The following SNX2 variants were observed in gnomAD, a reference collection of about 807,000 sequenced individuals.
SNX2 encodes sorting nexin 2, also known as sorting nexin-2.
A neutral mutation model predicts 69.9 loss-of-function variants in SNX2; 25 were observed. The observed-to-expected ratio is 0.36, with a 90% confidence interval of 0.26 to 0.50. The LOEUF (loss-of-function observed/expected upper bound fraction) is 0.50. Among genes scored for constraint, SNX2 ranks in the 20% least tolerant of loss-of-function variants. The pLI is 0.97. For synonymous variants in SNX2, 229 were observed against 200.4 expected (o/e 1.14, Z -1.20); for missense variants, 551 against 613.3 (o/e 0.90, Z 1.07).
chr5:122,818,129 G>C (rs1753939953), intron 10 of SNX2, among the ~76,000 whole-genome samples: 2 of 152,078 alleles, frequency 1.3e-5, no homozygotes, highest in African/African-American at 4.8e-5. Flanking sequence ...ATCTCTTAGG[G>C]AATGGGCTTT....
At position 122,827,566 on chromosome 5, in the gene SNX2, C is replaced by T. The variant is rs1754179418; in HGVS notation, c.1438-9C>T. The stretch of plus-strand genomic sequence containing the variant: ...CTACTAACGGACTTTTTAAAATGTA[C>T]TTCAACAGAAAGAACGAGTGAAGGA... On this transcript the variant is annotated splice_polypyrimidine_tract_variant and intron_variant, in intron 13 of 14. Coordinates refer to ENST00000379516, the MANE Select transcript of SNX2 (RefSeq NM_003100.4). 6.2e-7 allele frequency: 1 copy of T among 1,611,764 alleles called. No homozygotes were observed. The highest frequency in any genetic ancestry group is 2.2e-5 in the East Asian group (1 of 44,774).
rs999373408 is a variant in SNX2 at position 122,813,100 on chromosome 5, A to G, written c.723-2796A>G. Among the ~76,000 whole-genome samples the G allele has an allele frequency of 1.2e-4, 18 of 151,802 alleles. No individual in the cohort carries two copies. In the South Asian group the frequency reaches 1.5e-3, roughly 12 times the overall value. On this transcript the variant is annotated intron_variant, in intron 7 of 14. Transcript: ENST00000379516. ...ATTTCTGACTTTTTTCAGTGTTTCT[A>G]TTTCTCCCCATACCTCTTTTCCTGT...
intron 1 of SNX2, among the ~76,000 whole-genome samples, chr5:122,793,627 T>C (rs887430076): frequency 6.6e-6 from 1 of 152,138 alleles, no homozygotes; most frequent in African/African-American, 2.4e-5. Flanking sequence ...GACCTAGTTT[T>C]GGCCAGGCAC....
chr5:122,831,466 C>A lies in SNX2; in HGVS notation c.*1818C>A, dbSNP rs1463996673. On this transcript the variant is annotated 3_prime_UTR_variant, in exon 15 of 15. Coordinates refer to ENST00000379516, the MANE Select transcript of SNX2 (RefSeq NM_003100.4). ...CCCACTAACCTACAGCCAGCCTGGACAACATAGTGAGACCCTGTCTCTAAA... is the reference window on the plus strand; with the variant it reads ...CCCACTAACCTACAGCCAGCCTGGAAAACATAGTGAGACCCTGTCTCTAAA... 6.6e-6 allele frequency among the ~76,000 whole-genome samples: 1 copy of A among 152,006 alleles called. No homozygotes were observed. Among genetic ancestry groups the A allele is most frequent in the East Asian group, 1.9e-4 (1 of 5,180 alleles).
At position 122,780,662 on chromosome 5, in the gene SNX2, C is replaced by G. The variant is rs999266977; in HGVS notation, c.108+5451C>G. ...TCAGCTCACTGCAGCCTCTGCCTCC[C>G]AGGTTCAAGCGATTCTCCTGCCTCA... On this transcript the variant is annotated intron_variant, in intron 1 of 14. Coordinates refer to ENST00000379516, the MANE Select transcript of SNX2 (RefSeq NM_003100.4). 2.0e-5 allele frequency among the ~76,000 whole-genome samples: 3 copies of G among 151,366 alleles called. 1 individual carries two copies. Among genetic ancestry groups the G allele is most frequent in the South Asian group, 2.1e-4 (1 of 4,780 alleles).
intron 12 of SNX2, chr5:122,826,533 T>C (rs768496324): frequency 4.4e-5 from 14 of 316,480 alleles, no homozygotes; most frequent in Non-Finnish European, 4.6e-5. Context: ...CATTTAGCTG[T>C]CCAGGCAACA....
At chr5:122,814,430 T>G (rs867160926) in intron 7 of SNX2, among the ~76,000 whole-genome samples, 2 of 152,224 alleles carry the variant, frequency 1.3e-5, no homozygotes, top group African/African-American at 4.8e-5. Context: ...GGTTCTAGTA[T>G]AATGACTTCT....
chr5:122,777,683 T>G (rs1431407064), intron 1 of SNX2, among the ~76,000 whole-genome samples: 1 of 152,240 alleles, frequency 6.6e-6, no homozygotes, highest in East Asian at 1.9e-4. Flanking sequence ...TACACTTATG[T>G]GTATATTTTT....
chr5:122,821,877 A>T (rs754798492), intron 11 of SNX2, among the ~76,000 whole-genome samples: 1 of 152,192 alleles, frequency 6.6e-6, no homozygotes, highest in Non-Finnish European at 1.5e-5. Context: ...TAAAGATTCT[A>T]TAAGTAGAAT....
intron 11 of SNX2, among the ~76,000 whole-genome samples, chr5:122,824,436 GA>G (rs1280236950): frequency 6.6e-6 from 1 of 152,082 alleles, no homozygotes; most frequent in Non-Finnish European, 1.5e-5. Context: ...GATGTTTTAG[GA>G]AAAACGTGGT....
chr5:122,811,323 A>G (rs982652349), intron 7 of SNX2, among the ~76,000 whole-genome samples: 2 of 152,120 alleles, frequency 1.3e-5, no homozygotes, highest in East Asian at 3.9e-4. Context: ...CCCTAACATC[A>G]CTTGCTTGGT....
rs199661583 is a variant in SNX2 at position 122,829,789 on chromosome 5, C to T, written c.*141C>T. 5 of 416,984 alleles carry T rather than the reference C, an allele frequency of 1.2e-5. No individual in the cohort carries two copies. Among genetic ancestry groups the T allele is most frequent in the East Asian group, 1.4e-4 (2 of 14,072 alleles). 25.8% of individuals were successfully genotyped at this position (416,984 alleles called of 1,614,324 possible). A position where few individuals can be genotyped will look rare whatever the true frequency, so the allele number is the denominator to read the frequency against. On this transcript the variant is annotated 3_prime_UTR_variant, in exon 15 of 15. Transcript: ENST00000379516. Reference sequence around the variant, plus strand: ...GTGGTTTTATATACACACACACACACACACACACACACACACACACACTCT... The same window carrying T: ...GTGGTTTTATATACACACACACACATACACACACACACACACACACACTCT...
intron 1 of SNX2, among the ~76,000 whole-genome samples, chr5:122,780,570 TC>T (rs1752956165): frequency 2.2e-5 from 3 of 136,952 alleles, no homozygotes; most frequent in African/African-American, 6.2e-5. Flanking sequence ...TCTTTTCTTT[TC>T]TTTTCTTTTT....
chr5:122,829,632 C>T lies in SNX2; in HGVS notation c.1544C>T (p.Ala515Val). The T allele has an allele frequency of 6.2e-7, 1 of 1,613,346 alleles. No individual in the cohort carries two copies. The highest frequency in any genetic ancestry group is 8.5e-7 in the Non-Finnish European group (1 of 1,179,394). ...IKYWEAFLPEAKAIA is the reference protein window; with the variant it reads ...IKYWEAFLPEVKAIA ...TACTGGGAAGCATTCCTACCTGAAGCCAAAGCCATTGCCTAGCAATAAGAT... is the reference window on the plus strand; with the variant it reads ...TACTGGGAAGCATTCCTACCTGAAGTCAAAGCCATTGCCTAGCAATAAGAT... The change falls in exon 15 of 15, where the codon GCC becomes GTC. Residue 515 changes from alanine (A) to valine (V), a missense_variant. Ala to Val is a moderately conservative substitution (Grantham distance 64, BLOSUM62 0). This residue lies in a region of SNX2 where 360 missense variants were observed against 450.4 expected (regional missense o/e 0.80). Transcript: ENST00000379516.
chr5:122,817,644 A>T (rs1419077026), intron 10 of SNX2, among the ~76,000 whole-genome samples: 1 of 152,132 alleles, frequency 6.6e-6, no homozygotes, highest in Admixed American at 6.5e-5. Context: ...AGAAAACTAT[A>T]TTTGAATTTT....
chr5:122,776,939 C>T (rs2149998682), intron 1 of SNX2, among the ~76,000 whole-genome samples: 1 of 152,196 alleles, frequency 6.6e-6, no homozygotes, highest in Non-Finnish European at 1.5e-5. Context: ...GTTGTAAACA[C>T]ATTTGTTTTT....
chr5:122,796,382 C>A (rs1171300632), intron 2 of SNX2, among the ~76,000 whole-genome samples: 1 of 152,214 alleles, frequency 6.6e-6, no homozygotes, highest in Non-Finnish European at 1.5e-5. Flanking sequence ...CACCTTGATT[C>A]ATTCCATGAG....
intron 1 of SNX2, among the ~76,000 whole-genome samples, chr5:122,779,643 G>C (rs537575514): frequency 5.3e-5 from 8 of 152,206 alleles, no homozygotes; most frequent in Non-Finnish European, 1.2e-4. Flanking sequence ...AAGTGGAATT[G>C]CTGGGTTATG....
chr5:122,806,142 G>GCACGCGCGCACACACACACACACACA (rs1554063175), intron 6 of SNX2, among the ~76,000 whole-genome samples: 89 of 130,650 alleles, frequency 6.8e-4, no homozygotes, highest in African/African-American at 2.3e-3. Context: ...ACACGCGCGC[G>GCACGCGCGCACACACACACACACACA]CACACACACA....
Sources: gnomAD v4.1 joint callset for allele counts (sites outside exome capture counted in the v4.1 genomes callset) on GRCh38, gnomAD v4.1.1 for gene constraint, gnomAD v4.1.1 regional missense constraint, MANE v1.5 for transcripts, NCBI Gene and HGNC (gene_info 2026-07-23, HGNC 2026-07-21) for gene names.